AUTS2: variants seen among roughly 807,000 people sequenced by gnomAD.
AUTS2 encodes autism susceptibility gene 2 protein.
In AUTS2, 17 loss-of-function variants were observed where a neutral mutation model predicts 112.4. The ratio of observed to expected loss-of-function variants is 0.15; its 90% CI spans 0.10 to 0.23. AUTS2 has a LOEUF of 0.23. Among genes scored for constraint, AUTS2 ranks in the 10% least tolerant of loss-of-function variants. The pLI is 1.00. For missense variants in AUTS2, 1,510 were observed against 1,701.6 expected (o/e 0.89, Z 1.98); for synonymous variants, 751 against 702.7 (o/e 1.07, Z -1.09).
chr7:70,457,136 G>A (rs1332277106), intron 5 of AUTS2, among the ~76,000 whole-genome samples: 2 of 152,168 alleles, frequency 1.3e-5, no homozygotes, highest in Admixed American at 1.3e-4. Flanking sequence ...TCTAGGTGTG[G>A]GGACACAGCC....
chr7:70,017,659 C>T (rs7800759), intron 2 of AUTS2, among the ~76,000 whole-genome samples: 38,078 of 151,976 alleles, frequency 0.25, 4,754 homozygotes, highest in Middle Eastern at 0.34. Context: ...AGAAGATGTT[C>T]TGCTCAGACA....
At position 70,529,785 on chromosome 7, in the gene AUTS2, A is replaced by G. The variant is rs532952445; in HGVS notation, c.690+94004A>G. ...CTTCTAGGGGGTGGGATCAGTGACC[A>G]TAGTTCTCAGGGGGCAGTGATGAAA... On this transcript the variant is annotated intron_variant, in intron 5 of 18. Coordinates refer to ENST00000342771, the MANE Select transcript of AUTS2 (RefSeq NM_015570.4). Among the ~76,000 whole-genome samples, 10 of 152,344 alleles carry G rather than the reference A, an allele frequency of 6.6e-5. No homozygotes were observed. The South Asian group carries it at 2.1e-3, about 32-fold the overall frequency.
intron 5 of AUTS2, among the ~76,000 whole-genome samples, chr7:70,535,028 A>T (rs994315098): frequency 8.0e-6 from 1 of 125,140 alleles, no homozygotes; most frequent in African/African-American, 3.2e-5. Context: ...ATCACCATCT[A>T]TTTCATAAAA....
At chr7:70,015,563 A>G (rs1261880805) in intron 2 of AUTS2, among the ~76,000 whole-genome samples, 1 of 152,224 alleles carries the variant, frequency 6.6e-6, no homozygotes, top group Non-Finnish European at 1.5e-5. Context: ...AAGGACAATA[A>G]AAGAATTAGT....
At chr7:70,258,418 T>C (rs916697602) in intron 4 of AUTS2, among the ~76,000 whole-genome samples, 14 of 152,244 alleles carry the variant, frequency 9.2e-5, no homozygotes, top group African/African-American at 3.1e-4. Context: ...GGTTCAGCTG[T>C]TGCTCGGGAG....
At chr7:70,127,840 T>C (rs1469754329) in intron 3 of AUTS2, among the ~76,000 whole-genome samples, 1 of 152,200 alleles carries the variant, frequency 6.6e-6, no homozygotes, top group Non-Finnish European at 1.5e-5. Context: ...CCCTGGTCTT[T>C]GGGTTTTTAT....
At position 70,538,254 on chromosome 7, in the gene AUTS2, G is replaced by A. The variant is rs748843628; in HGVS notation, c.690+102473G>A. ...CCTGTGTAAGAGAGAGAGTCCAGGC[G>A]TGGTGGCTCATGCCTATAATCCCAG... On this transcript the variant is annotated intron_variant, in intron 5 of 18. Coordinates refer to ENST00000342771, the MANE Select transcript of AUTS2 (RefSeq NM_015570.4). Among the ~76,000 whole-genome samples, 22 of 152,186 alleles carry A rather than the reference G, an allele frequency of 1.4e-4. No homozygotes were observed. In the East Asian group the frequency reaches 3.1e-3, roughly 21 times the overall value.
At chr7:70,028,450 C>CTA (rs1319808825) in intron 2 of AUTS2, among the ~76,000 whole-genome samples, 3 of 152,130 alleles carry the variant, frequency 2.0e-5, no homozygotes, top group Non-Finnish European at 4.4e-5. Flanking sequence ...ATAGATCATT[C>CTA]TATGTTTTAA....
At chr7:70,752,481 G>GAT (rs1219461599) in intron 6 of AUTS2, among the ~76,000 whole-genome samples, 2 of 152,132 alleles carry the variant, frequency 1.3e-5, no homozygotes, top group African/African-American at 4.8e-5. Context: ...CCTTACCGTT[G>GAT]ATAACTCAGA....
intron 5 of AUTS2, among the ~76,000 whole-genome samples, chr7:70,690,042 T>C (rs1188115307): frequency 6.6e-6 from 1 of 152,200 alleles, no homozygotes; most frequent in East Asian, 1.9e-4. Context: ...TCCTCCTTAC[T>C]AAGTGCCAGG....
chr7:70,734,441 A>G (rs895517442), intron 6 of AUTS2, among the ~76,000 whole-genome samples: 10 of 150,466 alleles, frequency 6.6e-5, no homozygotes, highest in Non-Finnish European at 1.5e-4. Context: ...GTCTATCTCA[A>G]AAAAAAAAGA....
chr7:69,764,712 C>T (rs1317439786), intron 1 of AUTS2, among the ~76,000 whole-genome samples: 3 of 152,146 alleles, frequency 2.0e-5, no homozygotes, highest in South Asian at 2.1e-4. Context: ...GAAAATTGCA[C>T]TTCACTATCA....
chr7:70,346,152 A>G (rs540854085), intron 4 of AUTS2, among the ~76,000 whole-genome samples: 8 of 152,348 alleles, frequency 5.3e-5, no homozygotes, highest in Admixed American at 5.2e-4. Context: ...GTCAGGTGGT[A>G]GAGCTACAGT....
intron 5 of AUTS2, among the ~76,000 whole-genome samples, chr7:70,495,865 G>GCA (rs1798452926): frequency 2.1e-5 from 1 of 46,930 alleles, no homozygotes; most frequent in African/African-American, 1.0e-4. Context: ...ACACACACAC[G>GCA]CCCCACACAT....
At chr7:70,698,702 G>A (rs1306812020) in intron 6 of AUTS2, 82 bp downstream of exon 6, 7 of 1,081,220 alleles carry the variant, frequency 6.5e-6, no homozygotes, top group Non-Finnish European at 9.4e-6. Flanking sequence ...AGAAGAGCTA[G>A]AGTGATCTTT....
chr7:70,343,627 T>C (rs1383044239), intron 4 of AUTS2, among the ~76,000 whole-genome samples: 1 of 152,132 alleles, frequency 6.6e-6, no homozygotes, highest in African/African-American at 2.4e-5. Flanking sequence ...AGAAAGACTT[T>C]TAAGATGTAA....
intron 5 of AUTS2, among the ~76,000 whole-genome samples, chr7:70,599,704 G>C (rs34389950): frequency 0.088 from 13,424 of 152,186 alleles, 814 homozygotes; most frequent in African/African-American, 0.16. Flanking sequence ...AACAGGAATA[G>C]GTAGGTAGAG....
chr7:69,782,366 GTT>G (rs35095976), intron 1 of AUTS2, among the ~76,000 whole-genome samples: 15 of 137,798 alleles, frequency 1.1e-4, no homozygotes, highest in East Asian at 6.4e-4. Context: ...TCTCTCTCTT[GTT>G]TTTTTTTTTT....
At chr7:70,226,160 G>A (rs1003278247) in intron 4 of AUTS2, among the ~76,000 whole-genome samples, 4 of 151,932 alleles carry the variant, frequency 2.6e-5, no homozygotes, top group African/African-American at 7.3e-5. Context: ...GTTCAACGGG[G>A]AACTGAATCT....
Sources: allele counts gnomAD v4.1 joint callset (sites outside exome capture counted in the v4.1 genomes callset), GRCh38; gene constraint gnomAD v4.1.1; transcripts MANE v1.5; gene names NCBI Gene and HGNC (gene_info 2026-07-23, HGNC 2026-07-21).